Variants in CAMTA1 observed in about 807,000 individuals in gnomAD.
CAMTA1 encodes the protein calmodulin-binding transcription activator 1.
CAMTA1 carries 27 observed loss-of-function variants against 170.9 expected under a neutral mutation model. The observed-to-expected ratio is 0.16, with a 90% CI of 0.12 to 0.22. The LOEUF (loss-of-function observed/expected upper bound fraction) is 0.22. Among genes scored for constraint, CAMTA1 ranks in the 10% least tolerant of loss-of-function variants. The pLI, the probability that CAMTA1 is intolerant of heterozygous loss-of-function variation, is 1.00. For missense variants in CAMTA1, 1,619 were observed against 2,217.2 expected (o/e 0.73, Z 5.42); for synonymous variants, 833 against 891.5 (o/e 0.93, Z 1.17).
intron 4 of CAMTA1, among the ~76,000 whole-genome samples, chr1:7,206,484 A>T (rs1657754782): frequency 6.6e-6 from 1 of 152,130 alleles, no homozygotes. Context: ...ATATTCTGCT[A>T]GTTTACTGAA....
intron 16 of CAMTA1, among the ~76,000 whole-genome samples, chr1:7,740,636 A>G (rs1272120658): frequency 1.3e-5 from 2 of 152,244 alleles, no homozygotes; most frequent in Non-Finnish European, 2.9e-5. Flanking sequence ...CCACATGTGG[A>G]ATCGGGCACT....
rs566159876 is a variant in CAMTA1, at chr1:7,593,840, G to C, written c.511-46560G>C. Reference sequence around the variant, plus strand: ...GTGGATCACCTGTGGTCAGGAGTTCGAGAGCAGCCTGGCCAACATGGTGAA... The same window carrying C: ...GTGGATCACCTGTGGTCAGGAGTTCCAGAGCAGCCTGGCCAACATGGTGAA... On this transcript the variant is annotated intron_variant, in intron 6 of 22. Coordinates refer to ENST00000303635, the MANE Select transcript of CAMTA1 (RefSeq NM_015215.4). Among the ~76,000 whole-genome samples the C allele has an allele frequency of 7.7e-4, 113 of 146,746 alleles. 1 individual carries two copies. The highest frequency in any genetic ancestry group is 2.8e-3 in the African/African-American group (111 of 40,312).
chr1:7,038,548 T>C lies in CAMTA1; in HGVS notation c.235-52756T>C, dbSNP rs1010129285. Among the ~76,000 whole-genome samples the C allele has an allele frequency of 5.9e-5, 9 of 152,366 alleles. No homozygotes were observed. The Middle Eastern group carries it at 0.01, about 173-fold the overall frequency. ...GGCTAGCATTTCATTTTACCTGCCT[T>C]ATCAATATTCACCCTTCTGTTTTCA... On this transcript the variant is annotated intron_variant, in intron 3 of 22. Transcript: ENST00000303635.
chr1:7,203,998 A>AT lies in CAMTA1; in HGVS notation c.303-45482dup, dbSNP rs111533121. 3.2e-3 allele frequency among the ~76,000 whole-genome samples: 428 copies of AT among 132,648 alleles called. 1 individual carries two copies. The highest frequency in any genetic ancestry group is 4.7e-3 in the Non-Finnish European group (307 of 65,088). 87.0% of individuals were successfully genotyped at this position (132,648 alleles called of 152,430 possible). ...AGGCGCCCGCCACCATGCCCGGCTAATTTTTTTTTTTGGTATTTTTTAGTA... is the reference window on the plus strand; with the variant it reads ...AGGCGCCCGCCACCATGCCCGGCTAATTTTTTTTTTTTGGTATTTTTTAGTA... On this transcript the variant is annotated intron_variant, in intron 4 of 22. Coordinates refer to ENST00000303635, the MANE Select transcript of CAMTA1 (RefSeq NM_015215.4).
At chr1:7,202,760 A>C (rs1656945130) in intron 4 of CAMTA1, among the ~76,000 whole-genome samples, 1 of 152,142 alleles carries the variant, frequency 6.6e-6, no homozygotes, top group Non-Finnish European at 1.5e-5. Flanking sequence ...TTTGTTCATT[A>C]GTTCTCATAG....
chr1:6,786,687 C>T (rs1312549941), intron 1 of CAMTA1, among the ~76,000 whole-genome samples: 1 of 152,124 alleles, frequency 6.6e-6, no homozygotes, highest in Non-Finnish European at 1.5e-5. Context: ...TTGAGTTGCC[C>T]TCCTTTTCTT....
At chr1:7,060,265 C>T (rs559773841) in intron 3 of CAMTA1, among the ~76,000 whole-genome samples, 1 of 152,350 alleles carries the variant, frequency 6.6e-6, no homozygotes, top group African/African-American at 2.4e-5. Context: ...GGGTTGGGCT[C>T]TCCCGAGGCC....
intron 6 of CAMTA1, among the ~76,000 whole-genome samples, chr1:7,498,358 A>T (rs955274229): frequency 2.9e-5 from 4 of 138,320 alleles, no homozygotes; most frequent in Non-Finnish European, 4.6e-5. Flanking sequence ...GTGTAGAGTG[A>T]GTGTGGATGT....
chr1:7,758,908 C>G (rs2096953326), intron 22 of CAMTA1, among the ~76,000 whole-genome samples: 1 of 142,552 alleles, frequency 7.0e-6, no homozygotes, highest in Non-Finnish European at 1.5e-5. Flanking sequence ...GCAGTCCGGC[C>G]TGGGCAAAAG....
At chr1:6,789,234 A>G (rs1313031599) in intron 1 of CAMTA1, among the ~76,000 whole-genome samples, 2 of 152,172 alleles carry the variant, frequency 1.3e-5, no homozygotes, top group African/African-American at 4.8e-5. Context: ...TCTTTGAGAC[A>G]TATTTATGCA....
chr1:7,428,010 G>A (rs1432702879), intron 5 of CAMTA1, among the ~76,000 whole-genome samples: 1 of 152,204 alleles, frequency 6.6e-6, no homozygotes, highest in African/African-American at 2.4e-5. Context: ...TGCTGCCACG[G>A]GAGGGAAGCA....
chr1:7,559,419 A>T (rs1241655525), intron 6 of CAMTA1, among the ~76,000 whole-genome samples: 1 of 152,174 alleles, frequency 6.6e-6, no homozygotes, highest in East Asian at 1.9e-4. Context: ...AGGCTGTCTC[A>T]GCCAGGGGCT....
intron 1 of CAMTA1, among the ~76,000 whole-genome samples, chr1:6,795,564 TA>T (rs372906241): frequency 6.6e-6 from 1 of 152,374 alleles, no homozygotes; most frequent in African/African-American, 2.4e-5. Context: ...GTTTGTGCCA[TA>T]TACATTGTAT....
intron 5 of CAMTA1, among the ~76,000 whole-genome samples, chr1:7,361,830 C>T (rs189285657): frequency 1.3e-5 from 2 of 152,286 alleles, no homozygotes; most frequent in Non-Finnish European, 2.9e-5. Flanking sequence ...AAGCTGGATT[C>T]CTGTGTGTTA....
chr1:7,468,994 G>T (rs1170354023), intron 6 of CAMTA1, among the ~76,000 whole-genome samples: 1 of 152,220 alleles, frequency 6.6e-6, no homozygotes, highest in African/African-American at 2.4e-5. Context: ...TCGATGTGGA[G>T]GCCGGGCTCA....
intron 4 of CAMTA1, among the ~76,000 whole-genome samples, chr1:7,225,531 T>C (rs1010751): frequency 6.6e-6 from 1 of 152,170 alleles, no homozygotes; most frequent in East Asian, 1.9e-4. Context: ...TTTCCTGGGG[T>C]TGTGGGTGGG....
At chr1:7,103,950 C>A (rs1251849977) in intron 4 of CAMTA1, among the ~76,000 whole-genome samples, 1 of 149,222 alleles carries the variant, frequency 6.7e-6, no homozygotes, top group Non-Finnish European at 1.5e-5. Flanking sequence ...ACAGCACACA[C>A]GTACATACAA....
chr1:7,077,183 T>C (rs956630585), intron 3 of CAMTA1, among the ~76,000 whole-genome samples: 4 of 152,110 alleles, frequency 2.6e-5, no homozygotes. Flanking sequence ...CTGAAATCCC[T>C]GTGTTTTCCA....
chr1:6,915,097 A>G (rs2149290441), intron 3 of CAMTA1, among the ~76,000 whole-genome samples: 1 of 152,158 alleles, frequency 6.6e-6, no homozygotes, highest in East Asian at 1.9e-4. Flanking sequence ...CTTCTGATTT[A>G]TTTTTCAATT....
Sources: gnomAD v4.1 joint callset for allele counts (sites outside exome capture counted in the v4.1 genomes callset) on GRCh38, gnomAD v4.1.1 for gene constraint, MANE v1.5 for transcripts, NCBI Gene and HGNC (gene_info 2026-07-23, HGNC 2026-07-21) for gene names.